Variants in CD109 observed in about 807,000 individuals in gnomAD.
The protein encoded by CD109 is CD109 antigen.
In CD109, 149 loss-of-function variants were observed where a neutral mutation model predicts 165.8. The ratio of observed to expected loss-of-function variants is 0.90; its 90% CI spans 0.79 to 1.03. The LOEUF (loss-of-function observed/expected upper bound fraction) is 1.03. Among genes scored for constraint, CD109 ranks in the 50% least tolerant of loss-of-function variants. The pLI is 0.00. For synonymous variants in CD109, 585 were observed against 592.1 expected (o/e 0.99, Z 0.18); for missense variants, 1,712 against 1,677.8 (o/e 1.02, Z -0.36).
intron 10 of CD109, among the ~76,000 whole-genome samples, chr6:73,765,584 T>C (rs1773803516): frequency 1.3e-5 from 2 of 151,906 alleles, no homozygotes; most frequent in African/African-American, 2.4e-5. Flanking sequence ...AGCTAAGCAA[T>C]AGGATTGCTG....
In CD109 at chr6:73,746,831, G is replaced by T. The variant is rs542578151; in HGVS notation, c.634-9812G>T. On this transcript the variant is annotated intron_variant, in intron 5 of 32. Transcript: ENST00000287097. ...GTATAGACCAGCTTCAGTTCTTCAGGTGTTTAGTTCCAGCCTTGATAAGAA... is the reference window on the plus strand; with the variant it reads ...GTATAGACCAGCTTCAGTTCTTCAGTTGTTTAGTTCCAGCCTTGATAAGAA... Among the ~76,000 whole-genome samples the T allele has an allele frequency of 3.5e-4, 54 of 152,228 alleles. 1 individual carries two copies. Among genetic ancestry groups the T allele is most frequent in the African/African-American group, 1.3e-3 (53 of 41,520 alleles).
At chr6:73,813,972 T>C (rs765471095) in intron 29 of CD109, among the ~76,000 whole-genome samples, 1 of 152,152 alleles carries the variant, frequency 6.6e-6, no homozygotes, top group Non-Finnish European at 1.5e-5. Flanking sequence ...TTAATCATTA[T>C]ACTTTAAGAA....
chr6:73,815,331 C>A (rs998019660), intron 30 of CD109, among the ~76,000 whole-genome samples: 3 of 152,048 alleles, frequency 2.0e-5, no homozygotes, highest in Admixed American at 6.6e-5. Flanking sequence ...CAAGTTTTCC[C>A]TGGACGTATA....
intron 2 of CD109, among the ~76,000 whole-genome samples, chr6:73,711,142 G>C (rs1387372338): frequency 6.6e-6 from 1 of 152,152 alleles, no homozygotes; most frequent in Non-Finnish European, 1.5e-5. Flanking sequence ...TAGCAGCCAA[G>C]AACCTTGCTT....
At chr6:73,737,913 T>A (rs1222521276) in intron 5 of CD109, among the ~76,000 whole-genome samples, 1 of 152,156 alleles carries the variant, frequency 6.6e-6, no homozygotes, top group African/African-American at 2.4e-5. Context: ...CCACTTAAAT[T>A]CTTAAGAATC....
At chr6:73,695,538 T>C (rs941708173), upstream of CD109, 1 of 128,816 alleles carries the variant, frequency 7.8e-6, no homozygotes. Flanking sequence ...AGTTCTCTTC[T>C]TCTTTTTTTT....
chr6:73,792,532 A>G (rs1775006669), intron 22 of CD109, 94 bp from the exon 23 acceptor site: 2 of 1,023,870 alleles, frequency 2.0e-6, no homozygotes, highest in Non-Finnish European at 3.0e-6. Context: ...CTTCAATGAC[A>G]GAGGTCTTCT....
intron 14 of CD109, among the ~76,000 whole-genome samples, chr6:73,771,026 T>G (rs1378872094): frequency 2.0e-5 from 3 of 152,130 alleles, no homozygotes; most frequent in African/African-American, 7.2e-5. Context: ...TTGCCTTCAC[T>G]TCTGAGCTCA....
At chr6:73,734,092 C>T (rs1772464453) in intron 4 of CD109, among the ~76,000 whole-genome samples, 1 of 152,246 alleles carries the variant, frequency 6.6e-6, no homozygotes, top group Non-Finnish European at 1.5e-5. Flanking sequence ...TCCGCTGTGA[C>T]ATCACCATGC....
the CD109 span, among the ~76,000 whole-genome samples, chr6:73,680,268 G>C: frequency 6.6e-6 from 1 of 151,876 alleles, no homozygotes. Flanking sequence ...AATCTGAATT[G>C]CTAGAAGTTC....
intron 2 of CD109, among the ~76,000 whole-genome samples, chr6:73,709,408 G>C (rs747570709): frequency 6.6e-6 from 1 of 152,194 alleles, no homozygotes; most frequent in Admixed American, 6.5e-5. Flanking sequence ...CTGTAGCCTC[G>C]TAGTATAGTT....
intron 23 of CD109, among the ~76,000 whole-genome samples, chr6:73,795,073 T>C (rs1775107691): frequency 1.5e-5 from 2 of 135,706 alleles, no homozygotes; most frequent in Admixed American, 7.5e-5. Flanking sequence ...TTGTCATGAA[T>C]GAACGTTGTA....
chr6:73,730,128 C>T (rs975996487), intron 3 of CD109, among the ~76,000 whole-genome samples: 1 of 152,106 alleles, frequency 6.6e-6, no homozygotes, highest in Non-Finnish European at 1.5e-5. Context: ...TATGTGTCCC[C>T]CATTCCAGGA....
At chr6:73,689,484 G>T in the CD109 span, among the ~76,000 whole-genome samples, 2 of 152,214 alleles carry the variant, frequency 1.3e-5, no homozygotes, top group Non-Finnish European at 2.9e-5. Flanking sequence ...GCTCTTCTAT[G>T]CATTTTGGTG....
rs533663549 is a variant in CD109 at position 73,730,656 on chromosome 6, A to G, written c.507+82A>G. The G allele has an allele frequency of 3.5e-4, 289 of 835,106 alleles. No homozygotes were observed. The African/African-American group carries it at 4.4e-3, about 13-fold the overall frequency. The allele number at this position is 835,106 out of a possible 1,614,324, so 51.7% of individuals were successfully genotyped here. On this transcript the variant is annotated intron_variant, in intron 4 of 32. Transcript: ENST00000287097. ...GGGAAGTTCTGCTTGTGTTACTGAC[A>G]CTGGAATATTTTAGAATTCACCTAA... is the stretch of plus-strand genomic sequence containing the variant.
At chr6:73,767,534 C>T (rs1414850433) in intron 13 of CD109, among the ~76,000 whole-genome samples, 1 of 152,144 alleles carries the variant, frequency 6.6e-6, no homozygotes, top group African/African-American at 2.4e-5. Flanking sequence ...ATTTTTATAA[C>T]TCAGCCTCAT....
Position 73,811,051 on chromosome 6 carries a change from GA to G in CD109, c.3607del (p.Thr1203GlnfsTer5), listed in dbSNP as rs761825539. 4 of 1,613,430 alleles carry G rather than the reference GA, an allele frequency of 2.5e-6. No homozygotes were observed. Among genetic ancestry groups the G allele is most frequent in the Non-Finnish European group, 2.5e-6 (3 of 1,179,566 alleles). ...EFAALMNTER[T>X]NIQVTVTGPS... ...TTGCAGCCCTAATGAATACAGAAAG[GA>G]CAAATATCCAAGTGACCGTGACGGG... On this transcript the variant is annotated frameshift_variant, in exon 28 of 33. Coordinates refer to ENST00000287097, the MANE Select transcript of CD109 (RefSeq NM_133493.5). LOFTEE classifies it high-confidence loss of function.
At chr6:73,782,176 C>T (rs1006051972) in intron 17 of CD109, among the ~76,000 whole-genome samples, 1 of 152,014 alleles carries the variant, frequency 6.6e-6, no homozygotes, top group African/African-American at 2.4e-5. Flanking sequence ...CAACAGGACA[C>T]CTGATCCTCT....
chr6:73,810,670 T>TA (rs1377284293), intron 27 of CD109, among the ~76,000 whole-genome samples: 2 of 138,260 alleles, frequency 1.4e-5, no homozygotes, highest in African/African-American at 2.5e-5. Context: ...CATTGTGGTA[T>TA]AAAAAAATCA....
Sources: allele counts gnomAD v4.1 joint callset (sites outside exome capture counted in the v4.1 genomes callset), GRCh38; gene constraint gnomAD v4.1.1; transcripts MANE v1.5; gene names NCBI Gene and HGNC (gene_info 2026-07-23, HGNC 2026-07-21).